The following GDPD5 variants were observed in gnomAD, a reference collection of about 807,000 sequenced individuals.
GDPD5 encodes glycerophosphodiester phosphodiesterase 2.
Under a neutral mutation model 75.1 loss-of-function variants are expected in GDPD5, and 48 were observed. That is an observed-to-expected ratio of 0.64 (90% CI 0.51 to 0.81). GDPD5 has a LOEUF of 0.81. Among genes scored for constraint, GDPD5 ranks in the 40% least tolerant of loss-of-function variants. The pLI is 0.00. For synonymous variants in GDPD5, 336 were observed against 339.0 expected (o/e 0.99, Z 0.10); for missense variants, 706 against 822.6 (o/e 0.86, Z 1.73).
At chr11:75,456,269 T>C (rs1365316741) in intron 6 of GDPD5, among the ~76,000 whole-genome samples, 1 of 152,134 alleles carries the variant, frequency 6.6e-6, no homozygotes, top group African/African-American at 2.4e-5. Flanking sequence ...TGGGTCATCC[T>C]GGGAGCGGTG....
chr11:75,499,742 T>C (rs1950272390), intron 1 of GDPD5, among the ~76,000 whole-genome samples: 1 of 152,168 alleles, frequency 6.6e-6, no homozygotes, highest in South Asian at 2.1e-4. Context: ...GGCCCAGAGA[T>C]GGGGTTGGGT....
At chr11:75,509,936 T>G (rs1950480525) in intron 1 of GDPD5, among the ~76,000 whole-genome samples, 1 of 152,230 alleles carries the variant, frequency 6.6e-6, no homozygotes, top group African/African-American at 2.4e-5. Context: ...CGCCTCGGCC[T>G]CCCAAAGTGT....
At chr11:75,448,892 C>T in intron 9 of GDPD5, 85 bp downstream of exon 9, 1 of 1,416,242 alleles carries the variant, frequency 7.1e-7, no homozygotes, top group South Asian at 1.6e-5. Flanking sequence ...TGGTTGCTAC[C>T]ATTACATATA....
intron 2 of GDPD5, chr11:75,479,488 C>T (rs1949856826): frequency 6.6e-6 from 1 of 152,054 alleles, no homozygotes; most frequent in African/African-American, 2.4e-5. Flanking sequence ...TAACAGCAGC[C>T]CTAGGAAGGA....
chr11:75,450,390 C>G (rs1226750102), intron 6 of GDPD5: 2 of 231,714 alleles, frequency 8.6e-6, no homozygotes, highest in East Asian at 2.5e-4. Context: ...GGAGGAAACC[C>G]ACTTGTCCAG....
chr11:75,457,611 G>T, intron 5 of GDPD5, 82 bp downstream of exon 5: 1 of 1,090,704 alleles, frequency 9.2e-7, no homozygotes, highest in Non-Finnish European at 1.4e-6. Context: ...ACCAGGGTGG[G>T]ACCCTCCATC....
At chr11:75,439,337 T>C (rs1465782397) in intron 15 of GDPD5, 10 of 456,070 alleles carry the variant, frequency 2.2e-5, no homozygotes, top group South Asian at 1.4e-4. Context: ...ACACCAGAAT[T>C]ACCTGATCAA....
intron 3 of GDPD5, 122 bp from the exon 4 acceptor site, chr11:75,463,011 G>A: frequency 1.3e-6 from 1 of 745,496 alleles, no homozygotes; most frequent in Non-Finnish European, 2.3e-6. Flanking sequence ...AGGAATTCCT[G>A]CCCTCTTTAC....
At chr11:75,514,837 T>C (rs997952416) in intron 1 of GDPD5, among the ~76,000 whole-genome samples, 19 of 152,238 alleles carry the variant, frequency 1.2e-4, no homozygotes, top group Non-Finnish European at 1.6e-4. Flanking sequence ...AAGGGGGGCA[T>C]GATGAGGGCA....
intron 1 of GDPD5, among the ~76,000 whole-genome samples, chr11:75,498,133 G>A (rs1305724900): frequency 6.6e-6 from 1 of 152,114 alleles, no homozygotes; most frequent in Non-Finnish European, 1.5e-5. Context: ...GAGTGGGGAG[G>A]CCAGATCATG....
At chr11:75,462,660 CAG>C (rs1949438940) in intron 4 of GDPD5, 124 bp downstream of exon 4, 1 of 703,316 alleles carries the variant, frequency 1.4e-6, no homozygotes, top group Admixed American at 2.2e-5. Flanking sequence ...CAGGGCCACA[CAG>C]AGAGCTGGTG....
At chr11:75,473,027 G>A (rs563994992) in intron 3 of GDPD5, among the ~76,000 whole-genome samples, 93 of 152,104 alleles carry the variant, frequency 6.1e-4, no homozygotes, top group African/African-American at 2.2e-3. Context: ...CCAAGCAGAG[G>A]GAATGGCAGG....
intron 2 of GDPD5, among the ~76,000 whole-genome samples, chr11:75,482,122 C>T (rs954234205): frequency 3.3e-5 from 5 of 152,178 alleles, no homozygotes; most frequent in African/African-American, 1.2e-4. Flanking sequence ...CCGCCCCTCC[C>T]CTGTCCCCAC....
chr11:75,435,467 G>A lies in GDPD5; in HGVS notation c.*40C>T, dbSNP rs1227790431. The A allele has an allele frequency of 3.9e-6, 6 of 1,522,382 alleles. 1 individual carries two copies. The highest frequency in any genetic ancestry group is 1.4e-5 in the African/African-American group (1 of 72,822). 94.3% of individuals were successfully genotyped at this position (1,522,382 alleles called of 1,614,324 possible). On this transcript the variant is annotated 3_prime_UTR_variant, in exon 17 of 17. Transcript: ENST00000336898. ...TCCACCAGCTCTCCTAGGCTCCCCA[G>A]CTTCTGTGTCAGGTACAGGTGGGAC...
At chr11:75,497,780 T>C (rs376834054) in intron 1 of GDPD5, among the ~76,000 whole-genome samples, 1 of 152,148 alleles carries the variant, frequency 6.6e-6, no homozygotes, top group East Asian at 1.9e-4. Context: ...GAGGGGTTAG[T>C]GGGCCAGGGC....
intron 1 of GDPD5, among the ~76,000 whole-genome samples, chr11:75,522,245 A>C (rs1941489834): frequency 6.6e-6 from 1 of 152,196 alleles, no homozygotes. Flanking sequence ...TGGACATCAC[A>C]ACCGTCATTT....
At chr11:75,494,488 C>G (rs546632) in intron 1 of GDPD5, among the ~76,000 whole-genome samples, 89,739 of 151,806 alleles carry the variant, frequency 0.59, 27,359 homozygotes, top group East Asian at 0.79. Context: ...GCTGAGATTA[C>G]AGGTGTAAGC....
chr11:75,478,979 C>T (rs533720839), intron 2 of GDPD5, among the ~76,000 whole-genome samples: 1 of 152,330 alleles, frequency 6.6e-6, no homozygotes, highest in South Asian at 2.1e-4. Flanking sequence ...CAGGGAGCTC[C>T]CTCACCGGGT....
Position 75,441,753 on chromosome 11 carries a change from G to A in GDPD5, c.1218C>T (p.Pro406=), listed in dbSNP as rs150989184. The A allele has an allele frequency of 1.9e-4, 305 of 1,611,376 alleles. 1 individual carries two copies. Among genetic ancestry groups the A allele is most frequent in the Middle Eastern group, 3.3e-4 (2 of 6,054 alleles). Reference sequence around the variant, plus strand: ...TGGAGCCTGATGTCTGTTGGAAGCCGGGAGCCACCTTCCGCACCAGGGGCC... The same window carrying A: ...TGGAGCCTGATGTCTGTTGGAAGCCAGGAGCCACCTTCCGCACCAGGGGCC... ...RQRPLVRKVA[P]GFQQTSGSKE... is the part of the protein sequence containing the mutation. Residue 406 remains proline (P), a synonymous_variant, in exon 13 of 17, where the codon CCC becomes CCT. Coordinates refer to ENST00000336898, the MANE Select transcript of GDPD5 (RefSeq NM_030792.8).
Sources: allele counts gnomAD v4.1 joint callset (sites outside exome capture counted in the v4.1 genomes callset), GRCh38; gene constraint gnomAD v4.1.1; transcripts MANE v1.5; gene names NCBI Gene and HGNC (gene_info 2026-07-23, HGNC 2026-07-21).